EIPR1: variants seen among roughly 807,000 people sequenced by gnomAD.
The protein encoded by EIPR1 is EARP complex and GARP complex interacting protein 1.
Under a neutral mutation model 48.1 loss-of-function variants are expected in EIPR1, and 25 were observed. The ratio of observed to expected loss-of-function variants is 0.52; its 90% CI spans 0.38 to 0.73. The LOEUF (loss-of-function observed/expected upper bound fraction) is 0.73. EIPR1 is among the 30% of genes least tolerant of loss of function. The pLI is 0.00. For missense variants in EIPR1, 415 were observed against 506.2 expected (o/e 0.82, Z 1.73); for synonymous variants, 204 against 201.9 (o/e 1.01, Z -0.09).
chr2:3,371,032 C>T (rs931226263), intron 1 of EIPR1, among the ~76,000 whole-genome samples: 170 of 152,290 alleles, frequency 1.1e-3, no homozygotes, highest in Middle Eastern at 3.4e-3. Flanking sequence ...AGACTAACAG[C>T]GGATCTCTCG....
At chr2:3,259,382 T>C (rs1162818794) in intron 3 of EIPR1, among the ~76,000 whole-genome samples, 1 of 152,118 alleles carries the variant, frequency 6.6e-6, no homozygotes, top group Non-Finnish European at 1.5e-5. Flanking sequence ...CCAAACTCCT[T>C]AACTATATCC....
At chr2:3,237,261 C>A (rs1666435325) in intron 4 of EIPR1, among the ~76,000 whole-genome samples, 1 of 151,196 alleles carries the variant, frequency 6.6e-6, no homozygotes, top group Non-Finnish European at 1.5e-5. Flanking sequence ...CACACACACA[C>A]ACACACACAC....
chr2:3,220,233 C>A (rs530714613), intron 4 of EIPR1, among the ~76,000 whole-genome samples: 2 of 152,288 alleles, frequency 1.3e-5, no homozygotes, highest in South Asian at 4.1e-4. Flanking sequence ...TGCACACACA[C>A]AATGGTCATA....
At chr2:3,274,717 A>G (rs1667797073) in intron 3 of EIPR1, among the ~76,000 whole-genome samples, 1 of 152,178 alleles carries the variant, frequency 6.6e-6, no homozygotes, top group South Asian at 2.1e-4. Context: ...GATAATAACA[A>G]TATTTACTTT....
At chr2:3,217,411 G>A (rs1342864577) in intron 4 of EIPR1, among the ~76,000 whole-genome samples, 4 of 152,176 alleles carry the variant, frequency 2.6e-5, no homozygotes, top group African/African-American at 7.2e-5. Flanking sequence ...TCATCTAAAT[G>A]TTTTAAGTTT....
chr2:3,303,348 G>C (rs922039546), intron 3 of EIPR1, among the ~76,000 whole-genome samples: 1 of 152,158 alleles, frequency 6.6e-6, no homozygotes, highest in Non-Finnish European at 1.5e-5. Flanking sequence ...GCCCAGCAGG[G>C]GAGTCTCTGC....
chr2:3,205,060 A>G (rs1233618330), intron 5 of EIPR1, among the ~76,000 whole-genome samples: 1 of 152,218 alleles, frequency 6.6e-6, no homozygotes, highest in Non-Finnish European at 1.5e-5. Flanking sequence ...AGAGAACAGC[A>G]GGGTGAAGAA....
At chr2:3,200,185 C>T (rs1224892560) in intron 5 of EIPR1, among the ~76,000 whole-genome samples, 1 of 152,026 alleles carries the variant, frequency 6.6e-6, no homozygotes, top group Non-Finnish European at 1.5e-5. Flanking sequence ...GTGGACCTGT[C>T]CGCTCCCTCC....
At chr2:3,289,247 T>C (rs1167504409) in intron 3 of EIPR1, among the ~76,000 whole-genome samples, 1 of 152,188 alleles carries the variant, frequency 6.6e-6, no homozygotes, top group African/African-American at 2.4e-5. Context: ...ATCATTTCGC[T>C]GTCTCTCTCT....
rs1240425153 is a variant in EIPR1, at chr2:3,305,172, A to G, written c.259+32845T>C. ...CAGCCCTCCACTCCCGTCCAGTTCA[A>G]CCCTCCAATCCCATCCAGTTCAACC... is the stretch of plus-strand genomic sequence containing the variant. On this transcript the variant is annotated intron_variant, in intron 3 of 8. Transcript: ENST00000382125. Among the ~76,000 whole-genome samples the G allele has an allele frequency of 1.4e-3, 151 of 109,778 alleles. 7 individuals carry two copies. The highest frequency in any genetic ancestry group is 5.4e-3 in the African/African-American group (143 of 26,452). 72.0% of individuals were successfully genotyped at this position (109,778 alleles called of 152,430 possible).
intron 3 of EIPR1, among the ~76,000 whole-genome samples, chr2:3,267,968 G>A (rs1027456746): frequency 5.9e-5 from 9 of 152,212 alleles, no homozygotes; most frequent in African/African-American, 1.7e-4. Flanking sequence ...CAGACTGTTT[G>A]GCTGCTGTCC....
intron 3 of EIPR1, among the ~76,000 whole-genome samples, chr2:3,305,295 G>C (rs1309830685): frequency 8.4e-3 from 401 of 47,744 alleles, no homozygotes; most frequent in Middle Eastern, 0.065. Flanking sequence ...CAGCCCTCCA[G>C]TCCCGTCCAG....
intron 4 of EIPR1, among the ~76,000 whole-genome samples, chr2:3,256,264 T>G (rs1317953873): frequency 1.3e-5 from 2 of 152,162 alleles, no homozygotes; most frequent in Non-Finnish European, 2.9e-5. Flanking sequence ...AAACTCCACC[T>G]CGTAAGCGAA....
intron 4 of EIPR1, among the ~76,000 whole-genome samples, chr2:3,222,255 G>T (rs1275372344): frequency 6.6e-6 from 1 of 152,224 alleles, no homozygotes; most frequent in Non-Finnish European, 1.5e-5. Flanking sequence ...ATAAGTGGGG[G>T]AGAGGACTGT....
chr2:3,343,098 G>C (rs1186940983), intron 2 of EIPR1, among the ~76,000 whole-genome samples: 1 of 152,182 alleles, frequency 6.6e-6, no homozygotes, highest in African/African-American at 2.4e-5. Flanking sequence ...GAGGGCCTGG[G>C]CTCCTCCAGT....
At chr2:3,268,443 T>C (rs1667558675) in intron 3 of EIPR1, among the ~76,000 whole-genome samples, 1 of 152,198 alleles carries the variant, frequency 6.6e-6, no homozygotes. Flanking sequence ...TGCTGCACAG[T>C]GGGCCGAGGT....
intron 7 of EIPR1, among the ~76,000 whole-genome samples, 170 bp from the exon 8 acceptor site, chr2:3,192,751 G>T (rs1224581386): frequency 6.6e-6 from 1 of 152,132 alleles, no homozygotes; most frequent in Admixed American, 6.5e-5. Context: ...GCTGAGGTTG[G>T]GTTTACTGCA....
At chr2:3,238,902 A>G (rs1458426868) in intron 4 of EIPR1, among the ~76,000 whole-genome samples, 1 of 152,198 alleles carries the variant, frequency 6.6e-6, no homozygotes, top group African/African-American at 2.4e-5. Context: ...GCCTTGGAAA[A>G]GATTGTGTTA....
At chr2:3,329,525 G>T (rs1669823274) in intron 3 of EIPR1, among the ~76,000 whole-genome samples, 1 of 151,750 alleles carries the variant, frequency 6.6e-6, no homozygotes, top group African/African-American at 2.4e-5. Flanking sequence ...AATGATCTCG[G>T]GGTGCCAGCC....
Sources: gnomAD v4.1 joint callset for allele counts (sites outside exome capture counted in the v4.1 genomes callset) on GRCh38, gnomAD v4.1.1 for gene constraint, MANE v1.5 for transcripts, NCBI Gene and HGNC (gene_info 2026-07-23, HGNC 2026-07-21) for gene names.